KMT2C: variants seen among roughly 807,000 people sequenced by gnomAD.
KMT2C encodes the protein histone-lysine N-methyltransferase 2C.
Under a neutral mutation model 507.9 loss-of-function variants are expected in KMT2C, and 88 were observed. That is an observed-to-expected ratio of 0.17 (90% CI 0.15 to 0.21). KMT2C has a LOEUF of 0.21. KMT2C is among the 10% of genes least tolerant of loss of function. KMT2C has a pLI of 1.00. For missense variants in KMT2C, 4,954 were observed against 5,957.8 expected (o/e 0.83, Z 5.55); for synonymous variants, 2,049 against 2,080.8 (o/e 0.98, Z 0.42).
intron 38 of KMT2C, 143 bp downstream of exon 38, chr7:152,176,048 A>G: frequency 1.1e-6 from 1 of 938,706 alleles, no homozygotes. Context: ...GTCTCAAAAC[A>G]AAACAAACAA....
intron 7 of KMT2C, among the ~76,000 whole-genome samples, chr7:152,271,550 G>GT (rs2095970554): frequency 6.6e-6 from 1 of 151,734 alleles, no homozygotes; most frequent in Non-Finnish European, 1.5e-5. Context: ...GTATGCGCCT[G>GT]TAATCCCAGC....
intron 1 of KMT2C, among the ~76,000 whole-genome samples, chr7:152,408,337 T>TA (rs1224196002): frequency 1.3e-5 from 2 of 152,206 alleles, no homozygotes; most frequent in African/African-American, 2.4e-5. Context: ...GTACTCTGAA[T>TA]ATAAACTATA....
intron 16 of KMT2C, among the ~76,000 whole-genome samples, chr7:152,233,954 G>GT (rs1306106994): frequency 2.6e-5 from 4 of 152,022 alleles, no homozygotes. Context: ...GGCCAACATG[G>GT]CAAAACCCCA....
chr7:152,307,262 G>GAAGAAAGA (rs2096627677), intron 6 of KMT2C, among the ~76,000 whole-genome samples: 1 of 120,386 alleles, frequency 8.3e-6, no homozygotes, highest in African/African-American at 4.0e-5. Flanking sequence ...CGGTAGGAAG[G>GAAGAAAGA]AAGGAAGGAA....
At chr7:152,316,228 T>C (rs1405585384) in intron 3 of KMT2C, among the ~76,000 whole-genome samples, 1 of 152,104 alleles carries the variant, frequency 6.6e-6, no homozygotes, top group African/African-American at 2.4e-5. Flanking sequence ...TATGATACTA[T>C]AATGGTAGAT....
intron 46 of KMT2C, among the ~76,000 whole-genome samples, chr7:152,155,315 C>T (rs2091965583): frequency 6.6e-6 from 1 of 152,238 alleles, no homozygotes; most frequent in Admixed American, 6.5e-5. Context: ...GGGTAGTGGG[C>T]AGATTTTCCA....
chr7:152,388,830 T>A (rs2097459628), intron 1 of KMT2C, among the ~76,000 whole-genome samples: 1 of 152,244 alleles, frequency 6.6e-6, no homozygotes, highest in Non-Finnish European at 1.5e-5. Flanking sequence ...GTTACTGCAA[T>A]CTCTGCCTCC....
chr7:152,159,499 G>A (rs1380147673), intron 43 of KMT2C, among the ~76,000 whole-genome samples: 1 of 152,136 alleles, frequency 6.6e-6, no homozygotes, highest in Non-Finnish European at 1.5e-5. Context: ...GAAATATGAG[G>A]TGTGCTGAAA....
At position 152,192,805 on chromosome 7, in the gene KMT2C, G is replaced by A. The variant is rs191752126; in HGVS notation, c.4660+1204C>T. ...CAAGAAAAGGAGAAGATATCCTCAT[G>A]TTATTCAATTCAGGGTATAGTCATG... On this transcript the variant is annotated intron_variant, in intron 31 of 58. Transcript: ENST00000262189. Among the ~76,000 whole-genome samples the A allele has an allele frequency of 2.0e-3, 312 of 152,324 alleles. 1 individual carries two copies. The highest frequency in any genetic ancestry group is 7.0e-3 in the African/African-American group (289 of 41,574).
At chr7:152,332,961 G>C (rs184267699) in intron 2 of KMT2C, among the ~76,000 whole-genome samples, 6 of 151,596 alleles carry the variant, frequency 4.0e-5, no homozygotes, top group African/African-American at 7.3e-5. Flanking sequence ...GCACCCACAA[G>C]CTTTCTTCAA....
At chr7:152,256,698 C>T (rs1244249591) in intron 9 of KMT2C, among the ~76,000 whole-genome samples, 3 of 152,106 alleles carry the variant, frequency 2.0e-5, no homozygotes, top group Admixed American at 6.5e-5. Flanking sequence ...CAATAACAGG[C>T]AAAACACATG....
intron 23 of KMT2C, among the ~76,000 whole-genome samples, chr7:152,208,181 T>C (rs1404151373): frequency 6.6e-6 from 1 of 152,180 alleles, no homozygotes; most frequent in Non-Finnish European, 1.5e-5. Flanking sequence ...GCCCTCAAAA[T>C]AAACTTTAAA....
intron 42 of KMT2C, among the ~76,000 whole-genome samples, chr7:152,164,606 C>CA (rs2092647878): frequency 6.6e-6 from 1 of 152,058 alleles, no homozygotes; most frequent in Non-Finnish European, 1.5e-5. Flanking sequence ...CATTTTAAGA[C>CA]AAGATGAATT....
chr7:152,393,807 G>A (rs1331754128), intron 1 of KMT2C, among the ~76,000 whole-genome samples: 13 of 149,718 alleles, frequency 8.7e-5, no homozygotes, highest in African/African-American at 3.2e-4. Flanking sequence ...CAGGAGAATC[G>A]CTTGAACCCA....
chr7:152,243,434 C>T (rs1325466641), intron 14 of KMT2C, among the ~76,000 whole-genome samples: 1 of 152,066 alleles, frequency 6.6e-6, no homozygotes, highest in Non-Finnish European at 1.5e-5. Context: ...TATAATTTGT[C>T]CAAGAGATAT....
At chr7:152,309,420 C>T (rs764399921) in intron 6 of KMT2C, among the ~76,000 whole-genome samples, 21 of 148,292 alleles carry the variant, frequency 1.4e-4, no homozygotes, top group Non-Finnish European at 1.8e-4. Flanking sequence ...ATCTACTGGA[C>T]TCAAGCAATC....
At chr7:152,396,111 G>A (rs12333716) in intron 1 of KMT2C, among the ~76,000 whole-genome samples, 1,990 of 152,272 alleles carry the variant, frequency 0.013, 42 homozygotes, top group African/African-American at 0.046. Context: ...AACATAGGCA[G>A]TTCTGAAAAC....
Position 152,393,939 on chromosome 7 carries a change from G to A in KMT2C, c.162-35264C>T, listed in dbSNP as rs867101357. On this transcript the variant is annotated intron_variant, in intron 1 of 58. Coordinates refer to ENST00000262189, the MANE Select transcript of KMT2C (RefSeq NM_170606.3). ...AAAAAAATCTGCTAAGGGCTTCCAG[G>A]AAAGGTTTTTAATTCCAAATAAAAT... 2.8e-4 allele frequency among the ~76,000 whole-genome samples: 42 copies of A among 151,136 alleles called. 1 individual carries two copies. The Middle Eastern group carries it at 0.017, about 62-fold the overall frequency.
chr7:152,358,549 A>C (rs750525084), intron 2 of KMT2C, 38 bp downstream of exon 2: 10 of 1,241,206 alleles, frequency 8.1e-6, no homozygotes, highest in Non-Finnish European at 1.2e-5. Flanking sequence ...TATGCAAAGC[A>C]TCATTATACA....
Sources: gnomAD v4.1 joint callset for allele counts (sites outside exome capture counted in the v4.1 genomes callset) on GRCh38, gnomAD v4.1.1 for gene constraint, MANE v1.5 for transcripts, NCBI Gene and HGNC (gene_info 2026-07-23, HGNC 2026-07-21) for gene names.